SLC16A10: variants seen among roughly 807,000 people sequenced by gnomAD.
SLC16A10 encodes the protein monocarboxylate transporter 10.
Under a neutral mutation model 40.0 loss-of-function variants are expected in SLC16A10, and 27 were observed. The observed-to-expected ratio is 0.67, with a 90% CI of 0.50 to 0.93. SLC16A10 has a LOEUF of 0.93. Among genes scored for constraint, SLC16A10 ranks in the 40% least tolerant of loss-of-function variants. The probability of loss-of-function intolerance (pLI) is 0.00; values close to 1 mark genes in which losing one functional copy is unlikely to be tolerated. For missense variants in SLC16A10, 529 were observed against 658.2 expected, an observed-to-expected ratio of 0.80 and a Z score of 2.15; for synonymous variants, 213 against 249.8, an observed-to-expected ratio of 0.85 and a Z score of 1.39.
intron 3 of SLC16A10, among the ~76,000 whole-genome samples, chr6:111,206,154 G>A (rs982791881): frequency 1.3e-5 from 2 of 150,444 alleles, no homozygotes; most frequent in Non-Finnish European, 2.9e-5. Flanking sequence ...TCAGCTCACT[G>A]CAACCTCTGC....
chr6:111,218,727 A>G, intron 4 of SLC16A10, 87 bp from the exon 5 acceptor site: 1 of 1,089,716 alleles, frequency 9.2e-7, no homozygotes, highest in Admixed American at 1.7e-5. Context: ...GGGAACCAGT[A>G]ATGACTTAGA....
At chr6:111,121,422 G>A (rs561426672) in intron 1 of SLC16A10, among the ~76,000 whole-genome samples, 5 of 152,302 alleles carry the variant, frequency 3.3e-5, no homozygotes, top group East Asian at 1.9e-4. Flanking sequence ...TTAGCTGGGC[G>A]TGGTGGCGTG....
chr6:111,132,257 A>G (rs1463113966), intron 1 of SLC16A10, among the ~76,000 whole-genome samples: 6 of 148,550 alleles, frequency 4.0e-5, no homozygotes, highest in Non-Finnish European at 2.9e-5. Context: ...TCAAAGAGAA[A>G]AAGAAAGAGA....
At chr6:111,110,634 T>A (rs111917458) in intron 1 of SLC16A10, among the ~76,000 whole-genome samples, 7 of 152,222 alleles carry the variant, frequency 4.6e-5, no homozygotes, top group African/African-American at 1.7e-4. Flanking sequence ...AGCAGCAGAT[T>A]GGAAGAGAAT....
rs148786482 is a variant in SLC16A10, at chr6:111,127,096, C to A, written c.343+39001C>A. Among the ~76,000 whole-genome samples, 905 of 152,334 alleles carry A rather than the reference C, an allele frequency of 5.9e-3. 8 individuals carry two copies. The highest frequency in any genetic ancestry group is 0.021 in the African/African-American group (854 of 41,570). On this transcript the variant is annotated intron_variant, in intron 1 of 5. Coordinates refer to ENST00000368851, the MANE Select transcript of SLC16A10 (RefSeq NM_018593.5). ...CTCAACAAAAATTGAGAGCCCCTTT[C>A]TATACGCTAGTCATTGTGCTAGGCA...
chr6:111,123,976 G>A (rs1185873835), intron 1 of SLC16A10, among the ~76,000 whole-genome samples: 1 of 152,176 alleles, frequency 6.6e-6, no homozygotes, highest in African/African-American at 2.4e-5. Flanking sequence ...GGGCAGAAAA[G>A]TCAGCCAGTC....
intron 1 of SLC16A10, among the ~76,000 whole-genome samples, chr6:111,137,346 C>G (rs1172246052): frequency 1.3e-5 from 2 of 152,204 alleles, no homozygotes; most frequent in Non-Finnish European, 2.9e-5. Flanking sequence ...ATCAGATGGC[C>G]AAATCATTAT....
In SLC16A10 at chr6:111,222,173, C is replaced by G. The variant is rs777047845; in HGVS notation, c.1486C>G (p.Gln496Glu). ...KEKMEKMLENQNSLLSSSSGM... is the reference protein window; with the variant it reads ...KEKMEKMLENENSLLSSSSGM... ...AAAGATGGAGAAAATGTTGGAAAACCAGAACTCTCTGCTGTCAAGTTCATC... is the reference window on the plus strand; with the variant it reads ...AAAGATGGAGAAAATGTTGGAAAACGAGAACTCTCTGCTGTCAAGTTCATC... Residue 496 changes from glutamine (Q) to glutamate (E), a missense_variant, in exon 6 of 6, where the codon CAG becomes GAG. By Grantham distance (29) the Gln-to-Glu change is conservative. Coordinates refer to ENST00000368851, the MANE Select transcript of SLC16A10 (RefSeq NM_018593.5). 3.7e-6 allele frequency: 6 copies of G among 1,607,042 alleles called. No individual in the cohort carries two copies. The highest frequency in any genetic ancestry group is 2.2e-5 in the East Asian group (1 of 44,508).
At chr6:111,113,993 A>G (rs2114463426) in intron 1 of SLC16A10, among the ~76,000 whole-genome samples, 1 of 152,226 alleles carries the variant, frequency 6.6e-6, no homozygotes, top group South Asian at 2.1e-4. Context: ...TGTCATTTTT[A>G]TTCCTGAGTC....
At chr6:111,088,783 C>A (rs933326875) in intron 1 of SLC16A10, among the ~76,000 whole-genome samples, 4 of 151,736 alleles carry the variant, frequency 2.6e-5, no homozygotes, top group Non-Finnish European at 5.9e-5. Flanking sequence ...TTTTTTTAAC[C>A]ATATAGTAAA....
At chr6:111,176,460 A>T (rs1403948050) in intron 2 of SLC16A10, among the ~76,000 whole-genome samples, 1 of 152,254 alleles carries the variant, frequency 6.6e-6, no homozygotes, top group African/African-American at 2.4e-5. Flanking sequence ...TATTTGGTTA[A>T]ACTGTAAGAT....
chr6:111,106,876 C>G (rs970663248), intron 1 of SLC16A10, among the ~76,000 whole-genome samples: 1 of 152,128 alleles, frequency 6.6e-6, no homozygotes, highest in African/African-American at 2.4e-5. Flanking sequence ...AAGTTCAGAG[C>G]CTTTCCTCTA....
At chr6:111,101,778 G>A (rs1307511505) in intron 1 of SLC16A10, among the ~76,000 whole-genome samples, 2 of 152,042 alleles carry the variant, frequency 1.3e-5, no homozygotes, top group East Asian at 3.9e-4. Flanking sequence ...GTGCCAACAT[G>A]TCCAGCTCAT....
At chr6:111,179,079 C>A (rs1446557595) in intron 3 of SLC16A10, among the ~76,000 whole-genome samples, 1 of 151,742 alleles carries the variant, frequency 6.6e-6, no homozygotes, top group Non-Finnish European at 1.5e-5. Context: ...CTTCAAGCAA[C>A]CCTCCTGCCT....
At chr6:111,135,165 AC>A (rs1771855399) in intron 1 of SLC16A10, among the ~76,000 whole-genome samples, 1 of 152,148 alleles carries the variant, frequency 6.6e-6, no homozygotes, top group Non-Finnish European at 1.5e-5. Flanking sequence ...GAGAAGGAAC[AC>A]CCATTTGTTG....
chr6:111,148,488 C>T (rs1208666437), intron 1 of SLC16A10, among the ~76,000 whole-genome samples: 1 of 152,172 alleles, frequency 6.6e-6, no homozygotes, highest in Non-Finnish European at 1.5e-5. Context: ...GACAGGCCAA[C>T]AATTATGAGC....
rs1209928965 is a variant in SLC16A10 at position 111,218,803 on chromosome 6, G to T, written c.1087-11G>T. On this transcript the variant is annotated splice_polypyrimidine_tract_variant and intron_variant, in intron 4 of 5. Coordinates refer to ENST00000368851, the MANE Select transcript of SLC16A10 (RefSeq NM_018593.5). The stretch of plus-strand genomic sequence containing the variant: ...CTGCGAGCGGAGCTGACCTTGTGGT[G>T]TCCGTCCTAGGTACTCTCCTTTTTC... 1.2e-6 allele frequency: 2 copies of T among 1,612,588 alleles called. No individual in the cohort carries two copies. The highest frequency in any genetic ancestry group is 1.7e-6 in the Non-Finnish European group (2 of 1,178,730).
intron 1 of SLC16A10, among the ~76,000 whole-genome samples, chr6:111,147,016 G>A (rs747863142): frequency 6.6e-6 from 1 of 152,170 alleles, no homozygotes; most frequent in Non-Finnish European, 1.5e-5. Flanking sequence ...CATAAAGACA[G>A]AAAGTAGATT....
At chr6:111,088,195 G>T in intron 1 of SLC16A10, 100 bp downstream of exon 1, 1 of 1,242,766 alleles carries the variant, frequency 8.0e-7, no homozygotes, top group Middle Eastern at 2.0e-4. Flanking sequence ...TGTGCATGTC[G>T]GTGGGTCCCT....
Sources: gnomAD v4.1 joint callset for allele counts (sites outside exome capture counted in the v4.1 genomes callset) on GRCh38, gnomAD v4.1.1 for gene constraint, MANE v1.5 for transcripts, NCBI Gene and HGNC (gene_info 2026-07-23, HGNC 2026-07-21) for gene names.